ATP2A1: variants seen among roughly 807,000 people sequenced by gnomAD.
ATP2A1 encodes sarcoplasmic/endoplasmic reticulum calcium ATPase 1.
ATP2A1 carries 83 observed loss-of-function variants against 109.5 expected under a neutral mutation model. That is an observed-to-expected ratio of 0.76 (90% CI 0.63 to 0.91). The LOEUF (loss-of-function observed/expected upper bound fraction) is 0.91, where lower values mean the gene tolerates loss of function less well. Ranked by LOEUF, ATP2A1 falls within the 40% of genes least tolerant of loss-of-function variation. The probability of loss-of-function intolerance (pLI) is 0.00; values close to 1 mark genes in which losing one functional copy is unlikely to be tolerated. For missense variants in ATP2A1, 1,101 were observed against 1,341.0 expected, an observed-to-expected ratio of 0.82 and a Z score of 2.80; for synonymous variants, 505 against 537.6, an observed-to-expected ratio of 0.94 and a Z score of 0.84.
chr16:28,879,583 CG>C lies in ATP2A1; in HGVS notation c.219+1del, dbSNP rs757106087. The C allele has an allele frequency of 6.2e-7, 1 of 1,613,974 alleles. No homozygotes were observed. Among genetic ancestry groups the C allele is most frequent in the Non-Finnish European group, 8.5e-7 (1 of 1,179,988 alleles). On this transcript the variant is annotated splice_donor_variant, in intron 3 of 22. Transcript: ENST00000395503. LOFTEE classifies it high-confidence loss of function. Reference sequence around the variant, plus strand: ...TCCTCCTGGCCGCATGCATTTCCTTCGTAAGTGTGGGAGGGTCTCTGGGGGC... The same window carrying C: ...TCCTCCTGGCCGCATGCATTTCCTTCTAAGTGTGGGAGGGTCTCTGGGGGC...
intron 12 of ATP2A1, among the ~76,000 whole-genome samples, chr16:28,896,208 T>TTTTGTTTG (rs367688800): frequency 1.3e-5 from 2 of 152,000 alleles, no homozygotes; most frequent in Non-Finnish European, 2.9e-5. Flanking sequence ...CTTTCATTCT[T>TTTTGTTTG]TTTGTTTGTT....
Position 28,880,299 on chromosome 16 carries a change from A to T in ATP2A1, c.220-616A>T, listed in dbSNP as rs1018306147. Among the ~76,000 whole-genome samples the T allele has an allele frequency of 1.3e-5, 2 of 152,188 alleles. No individual in the cohort carries two copies. The highest frequency in any genetic ancestry group is 2.4e-5 in the African/African-American group (1 of 41,442). On this transcript the variant is annotated intron_variant, in intron 3 of 22. Transcript: ENST00000395503. The surrounding 1 kb of genome is among the most constrained non-coding windows in gnomAD (Gnocchi z 4.2). ...GAGCCTCGCTGGGGACTCTGGAGGCAACGAAAGCCTCCCTGTGCCTTGGTC... is the reference window on the plus strand; with the variant it reads ...GAGCCTCGCTGGGGACTCTGGAGGCTACGAAAGCCTCCCTGTGCCTTGGTC...
rs140547832 is a variant in ATP2A1, at chr16:28,900,667, C to G, written c.1851C>G (p.Ala617=). The part of the protein sequence containing the change: ...VTGSIQLCRD[A]GIRVIMITGD... ...GCTCCATCCAGCTGTGCCGTGACGC[C>G]GGGATCCGGGTGATCATGATCACTG... Residue 617 remains alanine (A), a synonymous_variant, in exon 15 of 23, where the codon GCC becomes GCG. Transcript: ENST00000395503. The G allele has an allele frequency of 6.2e-7, 1 of 1,610,094 alleles. No homozygotes were observed. Among genetic ancestry groups the G allele is most frequent in the Non-Finnish European group, 8.5e-7 (1 of 1,176,758 alleles).
chr16:28,882,487 G>A lies in ATP2A1; in HGVS notation c.361G>A (p.Glu121Lys), dbSNP rs560022895. 1.9e-6 allele frequency: 3 copies of A among 1,614,206 alleles called. No homozygotes were observed. The highest frequency in any genetic ancestry group is 2.2e-5 in the East Asian group (1 of 44,876). Residue 121 changes from glutamate to lysine, a missense_variant, in exon 5 of 23, where the codon GAG becomes AAG. By Grantham distance (56) the Glu-to-Lys change is moderately conservative. Transcript: ENST00000395503. ...NAENAIEALK[E>K]YEPEMGKVYR... ...AGAGAACGCCATCGAGGCCCTGAAG[G>A]AGTATGAGCCAGAGATGGGGAAGGT...
chr16:28,881,202 C>A (rs575163955), intron 4 of ATP2A1, among the ~76,000 whole-genome samples, 183 bp downstream of exon 4: 2 of 152,270 alleles, frequency 1.3e-5, no homozygotes, highest in Non-Finnish European at 2.9e-5. Flanking sequence ...ACTGTCACTT[C>A]CTGGCTATGT....
rs371807340 is a variant in ATP2A1 at position 28,903,507 on chromosome 16, C to T, written c.2980+67C>T. ...AGCCCCTTCCCCATGACGCCGCCCC[C>T]GCCCCGCCCCGTACTTTGCAGGTGG... is the stretch of plus-strand genomic sequence containing the variant. On this transcript the variant is annotated intron_variant, in intron 21 of 22. Coordinates refer to ENST00000395503, the MANE Select transcript of ATP2A1 (RefSeq NM_004320.6). This position sits in a 1 kb window ranked among gnomAD's most constrained non-coding sequence, Gnocchi z 5.6. 1.5e-5 allele frequency: 21 copies of T among 1,423,598 alleles called. No individual in the cohort carries two copies. Among genetic ancestry groups the T allele is most frequent in the South Asian group, 1.1e-4 (10 of 87,270 alleles). 88.2% of individuals were successfully genotyped at this position (1,423,598 alleles called of 1,614,324 possible).
Position 28,902,351 on chromosome 16 carries a change from G to T in ATP2A1, c.2489G>T (p.Ser830Ile), listed in dbSNP as rs933760228. ...CGGAGCCCCAAGGAGCCCCTCATCA[G>T]TGGCTGGCTCTTCTTCCGCTACATG... ...PPRSPKEPLI[S>I]GWLFFRYMAI... The change falls in exon 17 of 23, where the codon AGT becomes ATT. Residue 830 changes from serine (S) to isoleucine (I), a missense_variant. Physicochemically the swap from Ser to Ile is moderately radical, Grantham distance 142. Transcript: ENST00000395503. The surrounding 1 kb of genome is among the most constrained non-coding windows in gnomAD (Gnocchi z 4.8). The T allele has an allele frequency of 1.2e-6, 2 of 1,613,930 alleles. No individual in the cohort carries two copies. The highest frequency in any genetic ancestry group is 2.7e-5 in the African/African-American group (2 of 74,882).
chr16:28,879,401 C>T, intron 2 of ATP2A1, 100 bp from the exon 3 acceptor site: 1 of 1,169,698 alleles, frequency 8.5e-7, no homozygotes, highest in South Asian at 1.2e-5. Context: ...GCCCACCACC[C>T]TAGAGCCTCC....
chr16:28,903,201 G>A lies in ATP2A1; in HGVS notation c.2862+54G>A, dbSNP rs980510826. 80 of 1,602,070 alleles carry A rather than the reference G, an allele frequency of 5.0e-5. No individual in the cohort carries two copies. Among genetic ancestry groups the A allele is most frequent in the Non-Finnish European group, 6.4e-5 (75 of 1,170,426 alleles). On this transcript the variant is annotated intron_variant, in intron 20 of 22. Coordinates refer to ENST00000395503, the MANE Select transcript of ATP2A1 (RefSeq NM_004320.6). The surrounding 1 kb of genome is among the most constrained non-coding windows in gnomAD (Gnocchi z 5.6). ...ACCCCAGCACTGGGGAGCCCACGGC[G>A]GGCCCATGACCACTCCCACCAGGGG...
At chr16:28,896,312 C>T (rs961866259) in intron 12 of ATP2A1, among the ~76,000 whole-genome samples, 39 of 151,976 alleles carry the variant, frequency 2.6e-4, no homozygotes, top group Non-Finnish European at 5.0e-4. Flanking sequence ...CCACAACCTC[C>T]GCCTCCTGGG....
chr16:28,904,294 C>A lies in ATP2A1; in HGVS notation c.*152C>A, dbSNP rs1596691324. On this transcript the variant is annotated 3_prime_UTR_variant, in exon 23 of 23. Transcript: ENST00000395503. ...AGACCCCCGTCCTGTCCCCCACACC[C>A]GTGTCATGTGTCTGTTTATAAACAT... 1 of 1,610,686 alleles carries A rather than the reference C, an allele frequency of 6.2e-7. No individual in the cohort carries two copies. Among genetic ancestry groups the A allele is most frequent in the African/African-American group, 1.3e-5 (1 of 74,862 alleles).
chr16:28,888,791 T>C lies in ATP2A1; in HGVS notation c.933T>C (p.Leu311=), dbSNP rs773580897. 2.1e-5 allele frequency: 34 copies of C among 1,613,698 alleles called. No homozygotes were observed. Among genetic ancestry groups the C allele is most frequent in the East Asian group, 6.7e-5 (3 of 44,878 alleles). Residue 311 remains leucine (L), a synonymous_variant, in exon 9 of 23, where the codon CTT becomes CTC. Coordinates refer to ENST00000395503, the MANE Select transcript of ATP2A1 (RefSeq NM_004320.6). ...ACCCTCCCTCCCTCCCCACAGGTCT[T>C]CCTGCAGTCATCACCACCTGCCTGG... ...ALAVAAIPEG[L]PAVITTCLAL... is the part of the protein sequence containing the mutation.
intron 9 of ATP2A1, among the ~76,000 whole-genome samples, chr16:28,893,655 G>GTTT (rs11304796): frequency 1.8e-5 from 2 of 111,990 alleles, no homozygotes; most frequent in Non-Finnish European, 3.6e-5. Context: ...GTTTTTTTTT[G>GTTT]TTTTTTTTTT....
intron 6 of ATP2A1, among the ~76,000 whole-genome samples, chr16:28,886,475 G>C (rs909577917): frequency 1.3e-5 from 2 of 152,144 alleles, no homozygotes; most frequent in Non-Finnish European, 2.9e-5. Flanking sequence ...CTTAGGGTGA[G>C]GGAGGCATGG....
chr16:28,890,003 A>G (rs545032020), intron 9 of ATP2A1, among the ~76,000 whole-genome samples: 59 of 152,216 alleles, frequency 3.9e-4, no homozygotes, highest in African/African-American at 1.2e-3. Flanking sequence ...TTAGCCGGGC[A>G]TGGTGGTGCG....
rs769174301 is a variant in ATP2A1 at position 28,898,120 on chromosome 16, G to C, written c.1540G>C (p.Val514Leu). Reference sequence around the variant, plus strand: ...GGCTGCTGTGGGCAACAAGATGTTTGTCAAGGTCAGAAATCGGAATGTGCC... The same window carrying C: ...GGCTGCTGTGGGCAACAAGATGTTTCTCAAGGTCAGAAATCGGAATGTGCC... ...SRAAVGNKMF[V>L]KGAPEGVIDR... The change falls in exon 13 of 23, where the codon GTC becomes CTC. Residue 514 changes from valine to leucine, a missense_variant. By Grantham distance (32) the Val-to-Leu change is conservative (BLOSUM62 1). Transcript: ENST00000395503. The surrounding 1 kb of genome is among the most constrained non-coding windows in gnomAD (Gnocchi z 4.0). 33 of 1,614,072 alleles carry C rather than the reference G, an allele frequency of 2.0e-5. No homozygotes were observed. In the African/African-American group the frequency reaches 3.7e-4, roughly 18 times the overall value.
intron 12 of ATP2A1, among the ~76,000 whole-genome samples, chr16:28,895,397 C>T (rs1399705220): frequency 6.6e-6 from 1 of 152,214 alleles, no homozygotes; most frequent in Non-Finnish European, 1.5e-5. Context: ...AGGACTGTCA[C>T]TCCCAGTTAT....
At chr16:28,886,682 C>G (rs376853551) in intron 6 of ATP2A1, among the ~76,000 whole-genome samples, 4 of 151,674 alleles carry the variant, frequency 2.6e-5, no homozygotes, top group African/African-American at 7.3e-5. Context: ...GGGCTTGGGT[C>G]GAGGTCTTTT....
intron 6 of ATP2A1, among the ~76,000 whole-genome samples, chr16:28,885,731 C>T (rs1158567138): frequency 1.3e-5 from 2 of 152,008 alleles, no homozygotes; most frequent in African/African-American, 4.8e-5. Flanking sequence ...CTCTAGATAG[C>T]CACCAGCCCA....
Sources: gnomAD v4.1 joint callset for allele counts (sites outside exome capture counted in the v4.1 genomes callset) on GRCh38, gnomAD v4.1.1 for gene constraint, Gnocchi (gnomAD v3.1) non-coding constraint, MANE v1.5 for transcripts, NCBI Gene and HGNC (gene_info 2026-07-23, HGNC 2026-07-21) for gene names.